GRM8: variants seen among roughly 807,000 people sequenced by gnomAD.
GRM8 encodes the protein glutamate metabotropic receptor 8, also known as metabotropic glutamate receptor 8.
GRM8 carries 47 observed loss-of-function variants against 87.2 expected under a neutral mutation model. The ratio of observed to expected loss-of-function variants is 0.54; its 90% CI spans 0.43 to 0.69. The LOEUF (loss-of-function observed/expected upper bound fraction) is 0.69, where lower values mean the gene tolerates loss of function less well. Ranked by LOEUF, GRM8 falls within the 30% of genes least tolerant of loss-of-function variation. The probability of loss-of-function intolerance (pLI) is 0.00; values close to 1 mark genes in which losing one functional copy is unlikely to be tolerated. For missense variants in GRM8, 1,019 were observed against 1,139.2 expected (o/e 0.89, Z 1.52); for synonymous variants, 396 against 404.5 (o/e 0.98, Z 0.25).
At chr7:126,464,082 T>A (rs1405527117) in intron 9 of GRM8, among the ~76,000 whole-genome samples, 2 of 151,588 alleles carry the variant, frequency 1.3e-5, no homozygotes, top group Non-Finnish European at 3.0e-5. Flanking sequence ...GTGATCAAAT[T>A]TTTTGCCCAT....
At chr7:126,769,059 T>C (rs1241978049) in intron 7 of GRM8, among the ~76,000 whole-genome samples, 3 of 152,026 alleles carry the variant, frequency 2.0e-5, no homozygotes, top group African/African-American at 7.2e-5. Flanking sequence ...GCTGTGCGTG[T>C]CTCAAGGCAT....
At chr7:127,111,988 A>T (rs1192874879) in intron 2 of GRM8, among the ~76,000 whole-genome samples, 1 of 151,362 alleles carries the variant, frequency 6.6e-6, no homozygotes, top group Non-Finnish European at 1.5e-5. Context: ...AAATCACACC[A>T]TTGCAATCCT....
intron 6 of GRM8, among the ~76,000 whole-genome samples, chr7:126,801,097 C>A (rs548090036): frequency 5.3e-5 from 8 of 152,070 alleles, no homozygotes; most frequent in African/African-American, 1.9e-4. Flanking sequence ...AATATGCATA[C>A]GAAAAGTGTT....
intron 3 of GRM8, among the ~76,000 whole-genome samples, chr7:127,011,362 G>T (rs1814876552): frequency 6.6e-6 from 1 of 152,064 alleles, no homozygotes; most frequent in African/African-American, 2.4e-5. Context: ...TAACTTGAAG[G>T]TTTAACTACA....
chr7:126,803,105 A>G (rs911419297), intron 6 of GRM8, among the ~76,000 whole-genome samples: 1 of 152,200 alleles, frequency 6.6e-6, no homozygotes. Flanking sequence ...CTTTGAATAA[A>G]TTAGTGATTC....
At chr7:126,738,063 G>A (rs1814441495) in intron 7 of GRM8, among the ~76,000 whole-genome samples, 1 of 152,072 alleles carries the variant, frequency 6.6e-6, no homozygotes, top group Non-Finnish European at 1.5e-5. Flanking sequence ...AATTATTCAG[G>A]AAAAGGAACA....
At chr7:126,527,479 C>T (rs991163946) in intron 9 of GRM8, among the ~76,000 whole-genome samples, 2 of 152,208 alleles carry the variant, frequency 1.3e-5, no homozygotes, top group Non-Finnish European at 2.9e-5. Context: ...ATTTTTACTG[C>T]CCTCCTTTAA....
intron 9 of GRM8, among the ~76,000 whole-genome samples, chr7:126,477,573 AAGAAAGAG>A (rs1380611613): frequency 8.9e-6 from 1 of 112,988 alleles, no homozygotes; most frequent in East Asian, 2.4e-4. Flanking sequence ...GAAAGAAAGA[AAGAAAGAG>A]AGAAAGAAAG....
At chr7:126,670,139 T>C (rs542872983) in intron 7 of GRM8, among the ~76,000 whole-genome samples, 110 of 152,198 alleles carry the variant, frequency 7.2e-4, no homozygotes, top group Non-Finnish European at 1.2e-3. Context: ...AAATAATTTA[T>C]GGTAATCTGG....
intron 3 of GRM8, among the ~76,000 whole-genome samples, chr7:126,945,390 G>T (rs535391415): frequency 2.0e-5 from 3 of 152,066 alleles, no homozygotes; most frequent in African/African-American, 7.2e-5. Flanking sequence ...TACAGGTTGA[G>T]CATCCCTAAT....
chr7:127,149,554 C>T (rs1344051860), intron 2 of GRM8, among the ~76,000 whole-genome samples: 2 of 152,082 alleles, frequency 1.3e-5, no homozygotes, highest in Non-Finnish European at 2.9e-5. Context: ...AACAATCCCT[C>T]TTCTGGGCAT....
At chr7:126,649,211 G>A (rs998218686) in intron 7 of GRM8, among the ~76,000 whole-genome samples, 2 of 152,140 alleles carry the variant, frequency 1.3e-5, no homozygotes, top group African/African-American at 4.8e-5. Flanking sequence ...GACTCTGGGT[G>A]GGTCTGTGAG....
intron 2 of GRM8, among the ~76,000 whole-genome samples, chr7:127,135,110 A>AG (rs1827877104): frequency 6.6e-6 from 1 of 152,114 alleles, no homozygotes; most frequent in East Asian, 1.9e-4. Context: ...ATTTGGAATT[A>AG]GAGAAGATTT....
chr7:126,587,312 C>G (rs530007105), intron 8 of GRM8, among the ~76,000 whole-genome samples: 7 of 152,294 alleles, frequency 4.6e-5, no homozygotes, highest in African/African-American at 1.4e-4. Context: ...TTTGACCCAG[C>G]CATCCCATTA....
At chr7:126,996,569 AAAG>A (rs1286035490) in intron 3 of GRM8, among the ~76,000 whole-genome samples, 1 of 152,112 alleles carries the variant, frequency 6.6e-6, no homozygotes, top group East Asian at 1.9e-4. Flanking sequence ...CTTCAACTAT[AAAG>A]ATACACATAG....
intron 7 of GRM8, among the ~76,000 whole-genome samples, chr7:126,694,845 G>C (rs1809203954): frequency 6.6e-6 from 1 of 152,156 alleles, no homozygotes; most frequent in Non-Finnish European, 1.5e-5. Context: ...TGCAATTCTT[G>C]TTCAGCTCCA....
At chr7:126,948,077 G>C (rs1563344125) in intron 3 of GRM8, among the ~76,000 whole-genome samples, 1 of 152,132 alleles carries the variant, frequency 6.6e-6, no homozygotes, top group Non-Finnish European at 1.5e-5. Context: ...CAGACACTAT[G>C]CTAGGCGCTA....
intron 6 of GRM8, among the ~76,000 whole-genome samples, chr7:126,846,827 T>C (rs1796746639): frequency 1.3e-5 from 2 of 152,196 alleles, no homozygotes; most frequent in Admixed American, 6.5e-5. Context: ...TTATCAATTA[T>C]TGAGTTCACT....
intron 8 of GRM8, among the ~76,000 whole-genome samples, chr7:126,584,047 C>T (rs1412314123): frequency 2.0e-5 from 3 of 152,130 alleles, no homozygotes; most frequent in African/African-American, 7.2e-5. Flanking sequence ...AACTGTCACC[C>T]TAATTATTAG....
Sources: allele counts gnomAD v4.1 joint callset (sites outside exome capture counted in the v4.1 genomes callset), GRCh38; gene constraint gnomAD v4.1.1; transcripts MANE v1.5; gene names NCBI Gene and HGNC (gene_info 2026-07-23, HGNC 2026-07-21).